The following CRACDL variants were observed in gnomAD, a reference collection of about 807,000 sequenced individuals.
The protein encoded by CRACDL is CRACD like, also known as CRACD-like protein.
Under a neutral mutation model 70.6 loss-of-function variants are expected in CRACDL, and 26 were observed. The observed-to-expected ratio is 0.37, with a 90% CI of 0.27 to 0.51. CRACDL has a LOEUF of 0.51. CRACDL is among the 20% of genes least tolerant of loss of function. The pLI, the probability that CRACDL is intolerant of heterozygous loss-of-function variation, is 0.94. For synonymous variants in CRACDL, 618 were observed against 615.2 expected, an observed-to-expected ratio of 1.00 and a Z score of -0.07; for missense variants, 1,283 against 1,376.9, an observed-to-expected ratio of 0.93 and a Z score of 1.08.
At chr2:98,829,413 A>G (rs1705446702) in intron 5 of CRACDL, among the ~76,000 whole-genome samples, 1 of 152,228 alleles carries the variant, frequency 6.6e-6, no homozygotes. Flanking sequence ...GGGGTCCAGA[A>G]AGACCCTCAT....
intron 1 of CRACDL, among the ~76,000 whole-genome samples, chr2:98,852,571 A>G (rs993871700): frequency 2.6e-5 from 4 of 152,344 alleles, no homozygotes; most frequent in African/African-American, 7.2e-5. Flanking sequence ...AAGCTACTTA[A>G]AACAAAAATG....
chr2:98,878,967 A>G (rs546181805), intron 1 of CRACDL, among the ~76,000 whole-genome samples: 2 of 152,258 alleles, frequency 1.3e-5, no homozygotes, highest in African/African-American at 4.8e-5. Flanking sequence ...GAATGCTATG[A>G]CCACAGAAAG....
chr2:98,877,183 G>T (rs1247640920), intron 1 of CRACDL, among the ~76,000 whole-genome samples: 1 of 152,212 alleles, frequency 6.6e-6, no homozygotes, highest in Non-Finnish European at 1.5e-5. Context: ...TAAGTCTGTA[G>T]AACTGGGTTC....
chr2:98,795,798 G>A (rs575695181), intron 9 of CRACDL, among the ~76,000 whole-genome samples: 16 of 152,156 alleles, frequency 1.1e-4, no homozygotes, highest in Non-Finnish European at 2.1e-4. Flanking sequence ...AAAAAAAGAC[G>A]GCCCTCTGTT....
At chr2:98,917,359 T>C (rs1708690926) in intron 1 of CRACDL, among the ~76,000 whole-genome samples, 1 of 152,170 alleles carries the variant, frequency 6.6e-6, no homozygotes, top group African/African-American at 2.4e-5. Context: ...ATCCCCAGGA[T>C]AAAGGGAGGA....
intron 1 of CRACDL, among the ~76,000 whole-genome samples, chr2:98,891,689 A>G (rs934784423): frequency 6.6e-6 from 1 of 152,162 alleles, no homozygotes; most frequent in African/African-American, 2.4e-5. Flanking sequence ...AAGGCTGTAT[A>G]CAAATCATAA....
chr2:98,865,407 A>G (rs973228392), intron 1 of CRACDL, among the ~76,000 whole-genome samples: 2 of 151,970 alleles, frequency 1.3e-5, no homozygotes, highest in Admixed American at 6.6e-5. Flanking sequence ...ACATGTATAC[A>G]TGTTTGTGTG....
chr2:98,800,383 C>T (rs1285593834), intron 7 of CRACDL, among the ~76,000 whole-genome samples: 1 of 151,978 alleles, frequency 6.6e-6, no homozygotes, highest in African/African-American at 2.4e-5. Flanking sequence ...AAGGAAGGGT[C>T]TTTTCTGTCT....
chr2:98,920,447 G>A (rs547948179), intron 1 of CRACDL, among the ~76,000 whole-genome samples: 13 of 152,226 alleles, frequency 8.5e-5, no homozygotes, highest in African/African-American at 2.9e-4. Context: ...TTCACTGAGC[G>A]GTCATCCCAC....
At chr2:98,809,787 G>A (rs1704479063) in intron 7 of CRACDL, 1 of 152,174 alleles carries the variant, frequency 6.6e-6, no homozygotes, top group Non-Finnish European at 1.5e-5. Flanking sequence ...CAGCTGAGAT[G>A]AGAATATTTT....
intron 1 of CRACDL, among the ~76,000 whole-genome samples, chr2:98,869,992 AGCCT>A (rs1558614730): frequency 6.6e-6 from 1 of 152,036 alleles, no homozygotes; most frequent in Admixed American, 6.6e-5. Flanking sequence ...TCACCCACTG[AGCCT>A]GCCCAGCCGG....
intron 3 of CRACDL, among the ~76,000 whole-genome samples, chr2:98,834,858 A>G (rs762078115): frequency 2.4e-4 from 37 of 152,234 alleles, no homozygotes; most frequent in Non-Finnish European, 4.4e-4. Flanking sequence ...GATAGAATAC[A>G]TTCTAGGAAC....
At chr2:98,846,939 A>G in intron 1 of CRACDL, 129 bp from the exon 2 acceptor site, 1 of 742,398 alleles carries the variant, frequency 1.3e-6, no homozygotes, top group South Asian at 1.6e-5. Context: ...AGTCCAGGGC[A>G]GAGTGCAGCA....
At chr2:98,885,805 A>G (rs554783100) in intron 1 of CRACDL, among the ~76,000 whole-genome samples, 16 of 152,322 alleles carry the variant, frequency 1.1e-4, no homozygotes, top group Admixed American at 3.3e-4. Context: ...CAAACATTCA[A>G]TGTGATTCAA....
At chr2:98,897,932 C>T (rs538850403) in intron 1 of CRACDL, among the ~76,000 whole-genome samples, 1 of 152,376 alleles carries the variant, frequency 6.6e-6, no homozygotes, top group East Asian at 1.9e-4. Flanking sequence ...TTACTGCCCT[C>T]TCTGCACCTT....
intron 1 of CRACDL, among the ~76,000 whole-genome samples, chr2:98,876,587 A>G (rs796528737): frequency 9.8e-5 from 15 of 152,314 alleles, no homozygotes; most frequent in African/African-American, 3.4e-4. Flanking sequence ...AGGTGGAACA[A>G]CTTTATTCCA....
intron 1 of CRACDL, among the ~76,000 whole-genome samples, chr2:98,929,727 C>T (rs1709022830): frequency 3.3e-5 from 5 of 152,014 alleles, no homozygotes; most frequent in Admixed American, 2.6e-4. Flanking sequence ...CAATAAGGGG[C>T]ATTTGTCAAA....
chr2:98,933,031 A>G (rs963031826), intron 1 of CRACDL, among the ~76,000 whole-genome samples: 2 of 152,218 alleles, frequency 1.3e-5, no homozygotes, highest in African/African-American at 2.4e-5. Flanking sequence ...AGCTCAGAAC[A>G]GTAGAAATGG....
In CRACDL at chr2:98,848,037, T is replaced by G. The variant is rs1010799529; in HGVS notation, c.-10-1227A>C. Among the ~76,000 whole-genome samples the G allele has an allele frequency of 7.2e-5, 11 of 152,352 alleles. No individual in the cohort carries two copies. In the East Asian group the frequency reaches 1.2e-3, roughly 16 times the overall value. On this transcript the variant is annotated intron_variant, in intron 1 of 9. Transcript: ENST00000397899. ...TTGGCTTCAAAAAAATGTCCGGTCT[T>G]GTGTCGGCTCTGCCAAAAACTCTTG...
Sources: allele counts gnomAD v4.1 joint callset (sites outside exome capture counted in the v4.1 genomes callset), GRCh38; gene constraint gnomAD v4.1.1; transcripts MANE v1.5; gene names NCBI Gene and HGNC (gene_info 2026-07-23, HGNC 2026-07-21).